The following TAOK1 variants were observed in gnomAD, a reference collection of about 807,000 sequenced individuals.
TAOK1 encodes the protein TAO kinase 1.
Under a neutral mutation model 138.3 loss-of-function variants are expected in TAOK1, and 21 were observed. That is an observed-to-expected ratio of 0.15 (90% CI 0.11 to 0.22). TAOK1 has a LOEUF of 0.22. Among genes scored for constraint, TAOK1 ranks in the 10% least tolerant of loss-of-function variants. The pLI, the probability that TAOK1 is intolerant of heterozygous loss-of-function variation, is 1.00. For missense variants in TAOK1, 651 were observed against 1,227.7 expected, an observed-to-expected ratio of 0.53 and a Z score of 7.02; for synonymous variants, 361 against 398.4, an observed-to-expected ratio of 0.91 and a Z score of 1.12.
At chr17:29,533,816 C>CAGAGGGAGACCGTGGAAAGGGAGGG in intron 18 of TAOK1, among the ~76,000 whole-genome samples, 1 of 54,184 alleles carries the variant, frequency 1.8e-5, no homozygotes, top group Admixed American at 2.1e-4. Flanking sequence ...GGCTCGGCAT[C>CAGAGGGAGACCGTGGAAAGGGAGGG]AGAGGGAGAC....
At chr17:29,518,328 C>CA (rs2031855064) in intron 16 of TAOK1, among the ~76,000 whole-genome samples, 1 of 152,082 alleles carries the variant, frequency 6.6e-6, no homozygotes, top group African/African-American at 2.4e-5. Flanking sequence ...TATATGTATA[C>CA]AAAAAAATTA....
chr17:29,443,375 G>A (rs1218837262), intron 1 of TAOK1, among the ~76,000 whole-genome samples: 4 of 152,144 alleles, frequency 2.6e-5, no homozygotes, highest in African/African-American at 9.7e-5. Flanking sequence ...ATTTGACTAT[G>A]TTTTGCAAAT....
intron 1 of TAOK1, among the ~76,000 whole-genome samples, chr17:29,432,625 C>T (rs969850202): frequency 3.3e-5 from 5 of 151,472 alleles, no homozygotes; most frequent in Admixed American, 6.6e-5. Flanking sequence ...CCACTGTGCC[C>T]GGCCTGCCTG....
At chr17:29,485,893 T>G (rs2153027194) in intron 8 of TAOK1, among the ~76,000 whole-genome samples, 1 of 152,326 alleles carries the variant, frequency 6.6e-6, no homozygotes, top group East Asian at 1.9e-4. Context: ...CCTCTTGAGT[T>G]TTGGAGGTAT....
chr17:29,451,839 T>C, intron 2 of TAOK1, 159 bp downstream of exon 2: 1 of 580,818 alleles, frequency 1.7e-6, no homozygotes, highest in East Asian at 3.0e-5. Context: ...CGTGGGTGAG[T>C]GTGTGTGTCT....
At chr17:29,480,814 G>C (rs143812945) in intron 7 of TAOK1, among the ~76,000 whole-genome samples, 375 of 145,224 alleles carry the variant, frequency 2.6e-3, no homozygotes, top group Middle Eastern at 0.011. Flanking sequence ...AGGTTGGAGT[G>C]AGCCGAGATT....
chr17:29,545,821 C>T lies in TAOK1; in HGVS notation c.*2799C>T, dbSNP rs1325132253. 6.6e-6 allele frequency: 1 copy of T among 152,048 alleles called. No individual in the cohort carries two copies. Among genetic ancestry groups the T allele is most frequent in the Non-Finnish European group, 1.5e-5 (1 of 67,968 alleles). 9.4% of individuals were successfully genotyped at this position (152,048 alleles called of 1,614,324 possible). On this transcript the variant is annotated 3_prime_UTR_variant, in exon 20 of 20. Coordinates refer to ENST00000261716, the MANE Select transcript of TAOK1 (RefSeq NM_020791.4). ...GATCAAATTAACACTACCTCCTTCC[C>T]AGTGTTGGTGTTCACTCACTATATG...
At chr17:29,457,664 C>T (rs1297681876) in intron 2 of TAOK1, among the ~76,000 whole-genome samples, 1 of 151,944 alleles carries the variant, frequency 6.6e-6, no homozygotes, top group Non-Finnish European at 1.5e-5. Context: ...TCTCGGCCTC[C>T]CAAAGTGCTG....
At chr17:29,397,421 G>A (rs920937571) in intron 1 of TAOK1, among the ~76,000 whole-genome samples, 2 of 151,450 alleles carry the variant, frequency 1.3e-5, no homozygotes, top group African/African-American at 4.9e-5. Context: ...GGCCAGCATG[G>A]TGAAACCCTG....
intron 1 of TAOK1, among the ~76,000 whole-genome samples, chr17:29,401,956 T>A (rs1904858592): frequency 6.6e-6 from 1 of 152,184 alleles, no homozygotes; most frequent in African/African-American, 2.4e-5. Flanking sequence ...GAACTAAAAT[T>A]TCTTTTTTTA....
At chr17:29,540,944 A>T (rs760000316) in intron 19 of TAOK1, among the ~76,000 whole-genome samples, 1 of 148,364 alleles carries the variant, frequency 6.7e-6, no homozygotes, top group Non-Finnish European at 1.5e-5. Flanking sequence ...GCCTGAAGTG[A>T]TCCACCCACC....
intron 1 of TAOK1, among the ~76,000 whole-genome samples, chr17:29,399,204 C>T (rs1471145186): frequency 1.3e-5 from 2 of 151,734 alleles, no homozygotes; most frequent in East Asian, 2.0e-4. Flanking sequence ...GGTCTGGTAT[C>T]GAACTCCTGA....
chr17:29,481,754 T>C (rs2153026870), intron 7 of TAOK1, among the ~76,000 whole-genome samples: 1 of 151,988 alleles, frequency 6.6e-6, no homozygotes, highest in South Asian at 2.1e-4. Flanking sequence ...GGTCAGGAGA[T>C]CGAGACCATC....
intron 2 of TAOK1, among the ~76,000 whole-genome samples, chr17:29,454,890 A>G (rs1243005418): frequency 1.3e-5 from 2 of 151,554 alleles, no homozygotes; most frequent in Non-Finnish European, 2.9e-5. Context: ...TTTAGTAGAG[A>G]CGGGGTTTCA....
intron 11 of TAOK1, among the ~76,000 whole-genome samples, chr17:29,496,521 A>G (rs1207049028): frequency 6.6e-6 from 1 of 150,922 alleles, no homozygotes; most frequent in Non-Finnish European, 1.5e-5. Flanking sequence ...AAGTCATGAG[A>G]AAGTTAGTAG....
Position 29,548,677 on chromosome 17 carries a change from C to T in TAOK1, c.*5655C>T, listed in dbSNP as rs1223990827. On this transcript the variant is annotated 3_prime_UTR_variant, in exon 20 of 20. Transcript: ENST00000261716. Reference sequence around the variant, plus strand: ...ACAGTTTTCTTTCACTCAAAGTGTTCAGCACTTGTGAGTGAAAAATCATGT... The same window carrying T: ...ACAGTTTTCTTTCACTCAAAGTGTTTAGCACTTGTGAGTGAAAAATCATGT... The T allele has an allele frequency of 6.6e-6, 1 of 152,108 alleles. No homozygotes were observed. The highest frequency in any genetic ancestry group is 1.5e-5 in the Non-Finnish European group (1 of 67,996). 9.4% of individuals were successfully genotyped at this position (152,108 alleles called of 1,614,324 possible). A position where few individuals can be genotyped will look rare whatever the true frequency, so the allele number is the denominator to read the frequency against.
chr17:29,401,982 T>G (rs2153020180), intron 1 of TAOK1, among the ~76,000 whole-genome samples: 1 of 152,326 alleles, frequency 6.6e-6, no homozygotes, highest in East Asian at 1.9e-4. Context: ...TCCCTTTTAC[T>G]TCTAATCTTC....
chr17:29,468,133 CAA>C (rs2030720153), intron 3 of TAOK1, among the ~76,000 whole-genome samples: 2 of 53,018 alleles, frequency 3.8e-5, no homozygotes, highest in Non-Finnish European at 6.4e-5. Flanking sequence ...GGCCTGCTTT[CAA>C]TTTTTTTTTT....
At chr17:29,413,248 C>T (rs1023352631) in intron 1 of TAOK1, among the ~76,000 whole-genome samples, 2 of 152,094 alleles carry the variant, frequency 1.3e-5, no homozygotes, top group Non-Finnish European at 2.9e-5. Flanking sequence ...GGAAATATTT[C>T]CATCCCAAAT....
Sources: allele counts gnomAD v4.1 joint callset (sites outside exome capture counted in the v4.1 genomes callset), GRCh38; gene constraint gnomAD v4.1.1; transcripts MANE v1.5; gene names NCBI Gene and HGNC (gene_info 2026-07-23, HGNC 2026-07-21).